SH3TC2: variants seen among roughly 807,000 people sequenced by gnomAD.
The protein encoded by SH3TC2 is SH3 domain and tetratricopeptide repeats 2, also known as SH3 domain and tetratricopeptide repeat-containing protein 2.
A neutral mutation model predicts 124.5 loss-of-function variants in SH3TC2; 87 were observed. The observed-to-expected ratio is 0.70, with a 90% CI of 0.59 to 0.84. SH3TC2 has a LOEUF of 0.84. SH3TC2 is among the 40% of genes least tolerant of loss of function. SH3TC2 has a pLI of 0.00. For missense variants in SH3TC2, 1,536 were observed against 1,566.4 expected, an observed-to-expected ratio of 0.98 and a Z score of 0.33; for synonymous variants, 634 against 628.5, an observed-to-expected ratio of 1.01 and a Z score of -0.13.
rs1193859311 is a variant in SH3TC2, at chr5:148,986,444, A to G, written c.*18267T>C. Among the ~76,000 whole-genome samples the G allele has an allele frequency of 1.3e-5, 2 of 151,522 alleles. No homozygotes were observed. The highest frequency in any genetic ancestry group is 4.8e-5 in the African/African-American group (2 of 41,276). On this transcript the variant is annotated 3_prime_UTR_variant, in exon 17 of 17. Coordinates refer to ENST00000515425, the MANE Select transcript of SH3TC2 (RefSeq NM_024577.4). ...CTGGAAAGCCAAGGTAACCCCACTC[A>G]CTCCCTATTACATCTCCTTGTCTTA...
chr5:149,013,327 C>T (rs558254211), intron 12 of SH3TC2, among the ~76,000 whole-genome samples: 9 of 152,034 alleles, frequency 5.9e-5, no homozygotes, highest in Admixed American at 5.9e-4. Context: ...GGGTAGTTCC[C>T]CTGCCATTTA....
intron 12 of SH3TC2, 178 bp downstream of exon 12, chr5:149,026,394 C>T: frequency 1.4e-6 from 1 of 691,452 alleles, no homozygotes; most frequent in Non-Finnish European, 2.4e-6. Flanking sequence ...AAATAGCTTG[C>T]CCAAGGCTAC....
chr5:149,027,832 T>C lies in SH3TC2; in HGVS notation c.1900A>G (p.Arg634Gly). Residue 634 changes from arginine (R) to glycine (G), a missense_variant, in exon 11 of 17, where the codon AGG (arginine) becomes GGG (glycine). Transcript: ENST00000515425. Reference protein sequence around the residue: ...IVVGSSPLEARACFLAIRLLL... With the variant: ...IVVGSSPLEAGACFLAIRLLL... ...AAGCGGATGGCCAGAAAGCAGGCCC[T>C]GGCCTCCAGCGGGCTGCTGCCCACC... 6.2e-7 allele frequency: 1 copy of C among 1,613,864 alleles called. No individual in the cohort carries two copies. Among genetic ancestry groups the C allele is most frequent in the Non-Finnish European group, 8.5e-7 (1 of 1,180,030 alleles).
chr5:149,021,884 C>CAAGAAATTGAAGAGGAAGGAATAG (rs1355286432), intron 12 of SH3TC2, among the ~76,000 whole-genome samples: 2 of 32,860 alleles, frequency 6.1e-5, no homozygotes, highest in Admixed American at 3.6e-4. Flanking sequence ...CAAACTCTTT[C>CAAGAAATTGAAGAGGAAGGAATAG]TTTTTTTTTT....
rs764633604 is a variant in SH3TC2 at position 149,027,709 on chromosome 5, C to T, written c.2023G>A (p.Val675Ile). Residue 675 changes from valine (V) to isoleucine (I), a missense_variant, in exon 11 of 17, where the codon GTT becomes ATT. Val to Ile is a conservative substitution (Grantham distance 29). Coordinates refer to ENST00000515425, the MANE Select transcript of SH3TC2 (RefSeq NM_024577.4). ...TTCTTGTCATACAGAAAACTCAAAA[C>T]ACTGGCCACAGCCTCAGAGGCAGGA... ...HPPASEAVAS[V>I]LSFLYDKKYL... 141 of 1,614,096 alleles carry T rather than the reference C, an allele frequency of 8.7e-5. No homozygotes were observed. In the South Asian group the frequency reaches 1.4e-3, roughly 15 times the overall value.
Position 149,000,164 on chromosome 5 carries a change from C to CATATTACATA in SH3TC2, c.*4537_*4546dup. ...AATCACAATGCTTCTGATACTGAAT[C>CATATTACATA]ATATTACATAATATATCATTTGCCC... is the stretch of plus-strand genomic sequence containing the variant. On this transcript the variant is annotated 3_prime_UTR_variant, in exon 17 of 17. Coordinates refer to ENST00000515425, the MANE Select transcript of SH3TC2 (RefSeq NM_024577.4). Among the ~76,000 whole-genome samples the CATATTACATA allele has an allele frequency of 6.6e-6, 1 of 152,324 alleles. No homozygotes were observed. The highest frequency in any genetic ancestry group is 2.1e-4 in the South Asian group (1 of 4,828).
chr5:149,044,292 T>C (rs1754420447), intron 4 of SH3TC2: 2 of 456,632 alleles, frequency 4.4e-6, no homozygotes, highest in Non-Finnish European at 8.1e-6. Flanking sequence ...GGTTATCTAA[T>C]AAAAAAAGAT....
Position 149,055,989 on chromosome 5 carries a change from G to A in SH3TC2, c.53-3749C>T, listed in dbSNP as rs570925627. ...AATTGCCACTGTATAAAACAATATC[G>A]ATGAGTATATTCACTTGTGAAAAGT... On this transcript the variant is annotated intron_variant, in intron 1 of 16. Coordinates refer to ENST00000515425, the MANE Select transcript of SH3TC2 (RefSeq NM_024577.4). 3.3e-5 allele frequency among the ~76,000 whole-genome samples: 5 copies of A among 152,158 alleles called. 1 individual carries two copies. Among genetic ancestry groups the A allele is most frequent in the South Asian group, 2.1e-4 (1 of 4,820 alleles).
chr5:149,051,914 T>G (rs1395778371), intron 2 of SH3TC2, among the ~76,000 whole-genome samples: 1 of 152,214 alleles, frequency 6.6e-6, no homozygotes, highest in Non-Finnish European at 1.5e-5. Context: ...AGTATGGAGC[T>G]CCTAATAAGT....
chr5:149,008,358 G>A (rs1461075170), intron 15 of SH3TC2: 1 of 212,486 alleles, frequency 4.7e-6, no homozygotes, highest in Admixed American at 5.2e-5. Flanking sequence ...CTGAGTTAGG[G>A]TAATGGGAAC....
intron 13 of SH3TC2, 48 bp downstream of exon 13, chr5:149,012,536 C>T (rs746982041): frequency 1.2e-6 from 2 of 1,612,684 alleles, no homozygotes; most frequent in East Asian, 4.5e-5. Flanking sequence ...GCTGCCTCCC[C>T]AAATGATCCA....
chr5:149,029,391 G>A (rs1561765968), intron 9 of SH3TC2, among the ~76,000 whole-genome samples: 1 of 152,174 alleles, frequency 6.6e-6, no homozygotes, highest in South Asian at 2.1e-4. Flanking sequence ...TGGGGTTTGA[G>A]GTAGCTGCAG....
intron 13 of SH3TC2, among the ~76,000 whole-genome samples, chr5:149,011,717 T>C (rs1400460442): frequency 2.0e-5 from 3 of 152,070 alleles, no homozygotes; most frequent in Admixed American, 1.3e-4. Flanking sequence ...TCAGTAGAAG[T>C]GAATTTGTGC....
intron 1 of SH3TC2, among the ~76,000 whole-genome samples, chr5:149,053,664 A>T (rs541092661): frequency 2.0e-5 from 3 of 152,204 alleles, no homozygotes; most frequent in Admixed American, 2.0e-4. Context: ...CTTCCCATAC[A>T]TGAGTTCAAT....
chr5:149,020,153 T>C (rs1392272234), intron 12 of SH3TC2, among the ~76,000 whole-genome samples: 1 of 93,016 alleles, frequency 1.1e-5, no homozygotes, highest in Non-Finnish European at 2.2e-5. Flanking sequence ...CTAGGAAAAG[T>C]TGGGAAATGA....
chr5:149,015,386 G>A (rs1753853888), intron 12 of SH3TC2, among the ~76,000 whole-genome samples: 2 of 152,152 alleles, frequency 1.3e-5, no homozygotes, highest in South Asian at 4.1e-4. Flanking sequence ...TCACCTACCA[G>A]TTGAGCACCA....
rs1397762768 is a variant in SH3TC2 at position 149,026,317 on chromosome 5, A to G, written c.3053+255T>C. 6 of 540,808 alleles carry G rather than the reference A, an allele frequency of 1.1e-5. No homozygotes were observed. The East Asian group carries it at 1.9e-4, about 17-fold the overall frequency. The allele number at this position is 540,808 out of a possible 1,614,324, so 33.5% of individuals were successfully genotyped here. A position where few individuals can be genotyped will look rare whatever the true frequency, so the allele number is the denominator to read the frequency against. ...ATTAACTCATTTATCCTTCACAATA[A>G]CACTATAAGATAGATGCCATTATTA... On this transcript the variant is annotated intron_variant, in intron 12 of 16. Coordinates refer to ENST00000515425, the MANE Select transcript of SH3TC2 (RefSeq NM_024577.4).
At chr5:149,040,839 T>G (rs1365165765) in intron 6 of SH3TC2, among the ~76,000 whole-genome samples, 162 bp from the exon 7 acceptor site, 1 of 152,144 alleles carries the variant, frequency 6.6e-6, no homozygotes. Context: ...CCAGGACCTG[T>G]GAAAAGGTGA....
rs1465680577 is a variant in SH3TC2, at chr5:149,004,679, A to G, written c.*32T>C. ...AGGGCAGTGGGGTCAGAGTCTGGCC[A>G]TGCCAAATGTCCAGAGACAGGACAG... On this transcript the variant is annotated 3_prime_UTR_variant, in exon 17 of 17. Coordinates refer to ENST00000515425, the MANE Select transcript of SH3TC2 (RefSeq NM_024577.4). 1 of 1,611,122 alleles carries G rather than the reference A, an allele frequency of 6.2e-7. No individual in the cohort carries two copies. The highest frequency in any genetic ancestry group is 2.2e-5 in the East Asian group (1 of 44,834).
Sources: gnomAD v4.1 joint callset for allele counts (sites outside exome capture counted in the v4.1 genomes callset) on GRCh38, gnomAD v4.1.1 for gene constraint, MANE v1.5 for transcripts, NCBI Gene and HGNC (gene_info 2026-07-23, HGNC 2026-07-21) for gene names.